Variants in CPNE8 observed in about 807,000 individuals in gnomAD.
CPNE8 encodes copine 8.
In CPNE8, 45 loss-of-function variants were observed where a neutral mutation model predicts 81.5. The observed-to-expected ratio is 0.55, with a 90% CI of 0.44 to 0.71. CPNE8 has a LOEUF of 0.71. Ranked by LOEUF, CPNE8 falls within the 30% of genes least tolerant of loss-of-function variation. CPNE8 has a pLI of 0.00. For synonymous variants in CPNE8, 252 were observed against 226.3 expected, an observed-to-expected ratio of 1.11 and a Z score of -1.02; for missense variants, 594 against 672.1, an observed-to-expected ratio of 0.88 and a Z score of 1.28.
At chr12:38,734,855 C>A (rs1040034431) in intron 10 of CPNE8, among the ~76,000 whole-genome samples, 2 of 152,026 alleles carry the variant, frequency 1.3e-5, no homozygotes, top group African/African-American at 4.8e-5. Context: ...AAGTAATAGG[C>A]TTATGAATGG....
chr12:38,904,953 G>A (rs1335747319), intron 1 of CPNE8, among the ~76,000 whole-genome samples: 1 of 152,146 alleles, frequency 6.6e-6, no homozygotes, highest in African/African-American at 2.4e-5. Context: ...AAGCTGGAAG[G>A]CTCCAGGAAG....
At chr12:38,657,094 C>CA (rs1164525839) in intron 19 of CPNE8, among the ~76,000 whole-genome samples, 1 of 152,132 alleles carries the variant, frequency 6.6e-6, no homozygotes, top group East Asian at 1.9e-4. Flanking sequence ...CTGGGAAGTG[C>CA]AAGGGGTTGG....
At position 38,833,100 on chromosome 12, in the gene CPNE8, C is replaced by T. The variant is rs888747195; in HGVS notation, c.331-3645G>A. ...AGGAGCAGTGGCTCACACCTGTAAT[C>T]CCAGCACTTTGGGAGGCCGAGGCGG... On this transcript the variant is annotated intron_variant, in intron 5 of 19. Transcript: ENST00000331366. 5.3e-5 allele frequency among the ~76,000 whole-genome samples: 8 copies of T among 151,976 alleles called. No homozygotes were observed. The East Asian group carries it at 1.2e-3, about 22-fold the overall frequency.
intron 1 of CPNE8, among the ~76,000 whole-genome samples, chr12:38,892,496 G>A (rs1944327033): frequency 6.6e-6 from 1 of 152,204 alleles, no homozygotes; most frequent in Non-Finnish European, 1.5e-5. Flanking sequence ...CGACACTTTG[G>A]AGAATGGAAT....
At chr12:38,867,022 C>G (rs1456600292) in intron 3 of CPNE8, among the ~76,000 whole-genome samples, 2 of 152,028 alleles carry the variant, frequency 1.3e-5, no homozygotes, top group Non-Finnish European at 2.9e-5. Context: ...CCACACTCTG[C>G]TAATTTTTGT....
At chr12:38,887,291 G>T (rs1944250106) in intron 1 of CPNE8, among the ~76,000 whole-genome samples, 1 of 152,064 alleles carries the variant, frequency 6.6e-6, no homozygotes, top group African/African-American at 2.4e-5. Flanking sequence ...CCAGGCAGGG[G>T]GTACTAGGCC....
intron 4 of CPNE8, among the ~76,000 whole-genome samples, chr12:38,847,440 G>A (rs199596993): frequency 1.3e-5 from 2 of 152,058 alleles, no homozygotes; most frequent in East Asian, 3.8e-4. Context: ...TAGTGGCAAC[G>A]CTATGTGCAG....
intron 1 of CPNE8, among the ~76,000 whole-genome samples, chr12:38,899,038 T>C (rs1470115202): frequency 2.0e-5 from 3 of 152,200 alleles, no homozygotes; most frequent in African/African-American, 7.2e-5. Context: ...ATATACCTGC[T>C]ATCACAACTT....
chr12:38,834,849 A>T (rs1025338643), intron 5 of CPNE8, among the ~76,000 whole-genome samples: 6 of 151,738 alleles, frequency 4.0e-5, no homozygotes, highest in Non-Finnish European at 7.4e-5. Flanking sequence ...TACATATGGT[A>T]GCCAACTTTC....
intron 14 of CPNE8, among the ~76,000 whole-genome samples, chr12:38,702,329 T>C (rs1363848894): frequency 6.6e-6 from 1 of 152,164 alleles, no homozygotes; most frequent in Non-Finnish European, 1.5e-5. Flanking sequence ...TGAATATCCA[T>C]ACATGGGCTG....
intron 15 of CPNE8, among the ~76,000 whole-genome samples, chr12:38,690,822 C>A (rs186749643): frequency 2.0e-5 from 3 of 152,236 alleles, no homozygotes; most frequent in Admixed American, 6.5e-5. Flanking sequence ...TTTCCTGAGG[C>A]ACTTCAGACT....
intron 14 of CPNE8, among the ~76,000 whole-genome samples, chr12:38,699,087 C>T (rs922114719): frequency 6.6e-6 from 1 of 152,122 alleles, no homozygotes; most frequent in Admixed American, 6.6e-5. Flanking sequence ...TTTTCTAATC[C>T]AAAAGCATGG....
intron 10 of CPNE8, among the ~76,000 whole-genome samples, chr12:38,755,409 G>A (rs1941434983): frequency 6.6e-6 from 1 of 152,106 alleles, no homozygotes; most frequent in African/African-American, 2.4e-5. Flanking sequence ...ATGCAGCACT[G>A]TTCCACTAAT....
At position 38,674,619 on chromosome 12, in the gene CPNE8, G is replaced by A. The variant is rs78857022; in HGVS notation, c.1432+1098C>T. On this transcript the variant is annotated intron_variant, in intron 18 of 19. Coordinates refer to ENST00000331366, the MANE Select transcript of CPNE8 (RefSeq NM_153634.3). ...AATAGAGATAGAGAAAATAACAGGA[G>A]AAGCAGTGTTGGTGAGGGATAAATG... Among the ~76,000 whole-genome samples, 23 of 152,274 alleles carry A rather than the reference G, an allele frequency of 1.5e-4. No homozygotes were observed. The East Asian group carries it at 4.5e-3, about 29-fold the overall frequency.
At chr12:38,868,354 C>G (rs1231290855) in intron 3 of CPNE8, among the ~76,000 whole-genome samples, 1 of 152,052 alleles carries the variant, frequency 6.6e-6, no homozygotes, top group African/African-American at 2.4e-5. Flanking sequence ...AATAAAGTAT[C>G]TAAATTTTCC....
intron 6 of CPNE8, among the ~76,000 whole-genome samples, chr12:38,818,082 G>A (rs1943056218): frequency 6.6e-6 from 1 of 152,086 alleles, no homozygotes; most frequent in African/African-American, 2.4e-5. Context: ...GCTCGTAATA[G>A]TGCTATGAAG....
chr12:38,678,059 T>G (rs1939331430), intron 16 of CPNE8, among the ~76,000 whole-genome samples: 1 of 152,052 alleles, frequency 6.6e-6, no homozygotes, highest in African/African-American at 2.4e-5. Flanking sequence ...GTGCTTTTGG[T>G]TTTTGAACTA....
At position 38,834,149 on chromosome 12, in the gene CPNE8, C is replaced by A. The variant is rs568496682; in HGVS notation, c.331-4694G>T. On this transcript the variant is annotated intron_variant, in intron 5 of 19. Transcript: ENST00000331366. Reference sequence around the variant, plus strand: ...TGTCCTAGCTGGCTTTTAAAATGATCATTCTAGCTACTCTTCTTCCCTCAA... The same window carrying A: ...TGTCCTAGCTGGCTTTTAAAATGATAATTCTAGCTACTCTTCTTCCCTCAA... Among the ~76,000 whole-genome samples the A allele has an allele frequency of 5.9e-5, 9 of 152,300 alleles. No homozygotes were observed. The South Asian group carries it at 1.9e-3, about 32-fold the overall frequency.
At chr12:38,746,396 T>C (rs1180935402) in intron 10 of CPNE8, among the ~76,000 whole-genome samples, 1 of 152,224 alleles carries the variant, frequency 6.6e-6, no homozygotes, top group Admixed American at 6.5e-5. Context: ...TGTTACAATA[T>C]AAATAAACTG....
Sources: allele counts gnomAD v4.1 joint callset (sites outside exome capture counted in the v4.1 genomes callset), GRCh38; gene constraint gnomAD v4.1.1; transcripts MANE v1.5; gene names NCBI Gene and HGNC (gene_info 2026-07-23, HGNC 2026-07-21).